The following GPATCH8 variants were observed in gnomAD, a reference collection of about 807,000 sequenced individuals.
GPATCH8 encodes G patch domain-containing protein 8.
In GPATCH8, 18 loss-of-function variants were observed where a neutral mutation model predicts 118.3. The observed-to-expected ratio is 0.15, with a 90% CI of 0.11 to 0.23. The LOEUF (loss-of-function observed/expected upper bound fraction) is 0.23. Among genes scored for constraint, GPATCH8 ranks in the 10% least tolerant of loss-of-function variants. The probability of loss-of-function intolerance (pLI) is 1.00; values close to 1 mark genes in which losing one functional copy is unlikely to be tolerated. For missense variants in GPATCH8, 1,631 were observed against 1,873.8 expected (o/e 0.87, Z 2.39); for synonymous variants, 659 against 684.7 (o/e 0.96, Z 0.59).
At chr17:44,421,704 T>A (rs2049908967) in intron 6 of GPATCH8, among the ~76,000 whole-genome samples, 1 of 148,792 alleles carries the variant, frequency 6.7e-6, no homozygotes, top group African/African-American at 2.5e-5. Flanking sequence ...CATCGACTAG[T>A]GTGTAACCTT....
At chr17:44,442,535 G>A (rs980160425) in intron 3 of GPATCH8, among the ~76,000 whole-genome samples, 1 of 152,106 alleles carries the variant, frequency 6.6e-6, no homozygotes, top group Non-Finnish European at 1.5e-5. Context: ...TGCCATCTCC[G>A]CTCACTGTAA....
intron 6 of GPATCH8, among the ~76,000 whole-genome samples, chr17:44,419,859 C>A (rs866067968): frequency 1.3e-5 from 2 of 152,040 alleles, no homozygotes; most frequent in African/African-American, 4.8e-5. Context: ...AGGGAAGAGA[C>A]GAACTATGAA....
chr17:44,450,642 T>C (rs2051079378), intron 3 of GPATCH8, among the ~76,000 whole-genome samples: 1 of 152,242 alleles, frequency 6.6e-6, no homozygotes, highest in South Asian at 2.1e-4. Flanking sequence ...TTAAGTGCCA[T>C]TGTTTTGAAT....
chr17:44,423,767 C>CG (rs1265212325), intron 6 of GPATCH8, among the ~76,000 whole-genome samples: 1 of 151,738 alleles, frequency 6.6e-6, no homozygotes, highest in Non-Finnish European at 1.5e-5. Flanking sequence ...GGGGTGGCGG[C>CG]GGGGGAGGGG....
rs2048797582 is a variant in GPATCH8 at position 44,396,868 on chromosome 17, TAC to T, written c.*698_*699del. The T allele has an allele frequency of 2.2e-6, 1 of 454,230 alleles. No individual in the cohort carries two copies. Among genetic ancestry groups the T allele is most frequent in the East Asian group, 6.9e-5 (1 of 14,412 alleles). The allele number at this position is 454,230 out of a possible 1,614,324, so 28.1% of individuals were successfully genotyped here. On this transcript the variant is annotated 3_prime_UTR_variant, in exon 8 of 8. Transcript: ENST00000591680. ...GACACATGAGCTCCTCTCTGGGCCA[TAC>T]AGCTTTTATTCATGATAGGATCTTC... is the stretch of plus-strand genomic sequence containing the variant.
At chr17:44,471,183 G>A (rs1967251969) in intron 2 of GPATCH8, among the ~76,000 whole-genome samples, 1 of 152,008 alleles carries the variant, frequency 6.6e-6, no homozygotes, top group Non-Finnish European at 1.5e-5. Context: ...GCAAATAAGG[G>A]AAAATTAAAC....
intron 6 of GPATCH8, among the ~76,000 whole-genome samples, chr17:44,416,106 G>A (rs1367826729): frequency 1.1e-4 from 16 of 152,164 alleles, no homozygotes; most frequent in Admixed American, 9.2e-4. Flanking sequence ...GGGTTCAAGC[G>A]ATCCTCCTGC....
intron 5 of GPATCH8, among the ~76,000 whole-genome samples, chr17:44,425,756 T>C (rs1216185770): frequency 6.6e-6 from 1 of 152,186 alleles, no homozygotes; most frequent in African/African-American, 2.4e-5. Flanking sequence ...CATGAACTCC[T>C]GGGCTCAAGT....
intron 6 of GPATCH8, among the ~76,000 whole-genome samples, chr17:44,414,510 T>C (rs901278047): frequency 6.6e-6 from 1 of 152,170 alleles, no homozygotes; most frequent in Non-Finnish European, 1.5e-5. Flanking sequence ...GATCTCCATA[T>C]GTTGCCCAGG....
chr17:44,452,318 G>A (rs2051147851), intron 3 of GPATCH8, among the ~76,000 whole-genome samples: 1 of 149,836 alleles, frequency 6.7e-6, no homozygotes, highest in Non-Finnish European at 1.5e-5. Flanking sequence ...AAAAGATCTT[G>A]GGCAAAGATC....
In GPATCH8 at chr17:44,430,086, A is replaced by G. The variant is rs905916391; in HGVS notation, c.348+4979T>C. On this transcript the variant is annotated intron_variant, in intron 5 of 7. Transcript: ENST00000591680. ...AACCAACTCACCGACCCACCCACCC[A>G]CCCACTACATAAAACTAAGCAATAC... 9.0e-5 allele frequency among the ~76,000 whole-genome samples: 3 copies of G among 33,406 alleles called. No individual in the cohort carries two copies. The Admixed American group carries it at 1.2e-3, about 13-fold the overall frequency. 21.9% of individuals were successfully genotyped at this position (33,406 alleles called of 152,430 possible).
intron 7 of GPATCH8, among the ~76,000 whole-genome samples, chr17:44,403,601 C>T (rs1052948110): frequency 1.3e-5 from 2 of 152,110 alleles, no homozygotes; most frequent in Admixed American, 1.3e-4. Flanking sequence ...GAATCAGAGA[C>T]CTATTTATAT....
intron 6 of GPATCH8, among the ~76,000 whole-genome samples, chr17:44,413,543 G>A (rs962308447): frequency 4.6e-5 from 7 of 151,886 alleles, no homozygotes; most frequent in Non-Finnish European, 1.0e-4. Context: ...GTGCAGTGGC[G>A]CGATCTTGGC....
At chr17:44,410,445 T>C (rs1242613653) in intron 6 of GPATCH8, among the ~76,000 whole-genome samples, 3 of 152,188 alleles carry the variant, frequency 2.0e-5, no homozygotes, top group Admixed American at 1.3e-4. Context: ...AACTCCAAAA[T>C]GGGACATTCT....
intron 1 of GPATCH8, among the ~76,000 whole-genome samples, chr17:44,476,434 A>G (rs1967789601): frequency 6.6e-6 from 1 of 152,092 alleles, no homozygotes; most frequent in Admixed American, 6.5e-5. Flanking sequence ...CAAACTCCTG[A>G]GCTCAGGCAA....
At position 44,492,348 on chromosome 17, in the gene GPATCH8, C is replaced by T. The variant is rs1442194888; in HGVS notation, c.45+10978G>A. Among the ~76,000 whole-genome samples, 11 of 142,836 alleles carry T rather than the reference C, an allele frequency of 7.7e-5. No homozygotes were observed. In the East Asian group the frequency reaches 1.6e-3, roughly 21 times the overall value. 93.7% of individuals were successfully genotyped at this position (142,836 alleles called of 152,430 possible). On this transcript the variant is annotated intron_variant, in intron 1 of 7. Transcript: ENST00000591680. ...ACCCCAGCACTTTGGGAGGCCGAGG[C>T]GGGAGGATCACAAGGTCAGGAGATT...
intron 1 of GPATCH8, among the ~76,000 whole-genome samples, chr17:44,499,899 TAAAAAA>T (rs398039126): frequency 2.3e-5 from 3 of 132,662 alleles, no homozygotes; most frequent in African/African-American, 8.2e-5. Flanking sequence ...TTCCAAAGAT[TAAAAAA>T]AAAAAAAACA....
chr17:44,398,501 C>G lies in GPATCH8; in HGVS notation c.3576G>C (p.Gln1192His), dbSNP rs201027635. The change falls in exon 8 of 8, where the codon CAG becomes CAC. Residue 1192 changes from glutamine to histidine, a missense_variant. This residue lies in a region of GPATCH8 where 922 missense variants were observed against 879.7 expected (regional missense o/e 1.05). Coordinates refer to ENST00000591680, the MANE Select transcript of GPATCH8 (RefSeq NM_001002909.4). Reference protein sequence around the residue: ...PGSSDALFGHQFPSEETTGPL... With the variant: ...PGSSDALFGHHFPSEETTGPL... ...GGCCAGTTGTTTCCTCTGAAGGGAACTGATGCCCAAATAGGGCATCACTAC... is the reference window on the plus strand; with the variant it reads ...GGCCAGTTGTTTCCTCTGAAGGGAAGTGATGCCCAAATAGGGCATCACTAC... 1,087 of 1,604,826 alleles carry G rather than the reference C, an allele frequency of 6.8e-4. 12 individuals are homozygous for G. The South Asian group carries it at 0.011, about 17-fold the overall frequency.
At chr17:44,436,119 G>A (rs1161513043) in intron 4 of GPATCH8, among the ~76,000 whole-genome samples, 6 of 149,328 alleles carry the variant, frequency 4.0e-5, no homozygotes, top group South Asian at 2.1e-4. Flanking sequence ...GGTGACAGCC[G>A]TACCCAATTC....
Sources: allele counts gnomAD v4.1 joint callset (sites outside exome capture counted in the v4.1 genomes callset), GRCh38; gene constraint gnomAD v4.1.1; regional missense constraint gnomAD v4.1.1; transcripts MANE v1.5; gene names NCBI Gene and HGNC (gene_info 2026-07-23, HGNC 2026-07-21).